Variants in UBA52 observed in about 807,000 individuals in gnomAD.
The protein encoded by UBA52 is ubiquitin-ribosomal protein eL40 fusion protein.
Under a neutral mutation model 15.3 loss-of-function variants are expected in UBA52, and 1 was observed. That is an observed-to-expected ratio of 0.07 (90% confidence interval 0.02 to 0.31). The LOEUF is 0.31. UBA52 is among the 10% of genes least tolerant of loss of function. UBA52 has a pLI of 1.00. For missense variants in UBA52, 87 were observed against 168.0 expected, an observed-to-expected ratio of 0.52 and a Z score of 2.66; for synonymous variants, 50 against 58.3, an observed-to-expected ratio of 0.86 and a Z score of 0.65.
upstream of UBA52, chr19:18,568,405 T>C (rs1351432004): frequency 3.1e-6 from 5 of 1,612,248 alleles, no homozygotes; most frequent in Admixed American, 1.7e-5. Flanking sequence ...CCCCCAGATA[T>C]CCCAGAGGCA....
In UBA52 at chr19:18,577,482, T is replaced by C. The variant is rs1975836178; in HGVS notation, c.*2332T>C. The C allele has an allele frequency of 6.6e-6, 1 of 152,130 alleles. No individual in the cohort carries two copies. Among genetic ancestry groups the C allele is most frequent in the Non-Finnish European group, 1.5e-5 (1 of 68,012 alleles). 9.4% of individuals were successfully genotyped at this position (152,130 alleles called of 1,614,324 possible). The stretch of plus-strand genomic sequence containing the variant: ...CTCACTCTCCTGGTCCGTGGACTCT[T>C]TTTGAACTGTTAACACTCCCCGCAA... On this transcript the variant is annotated 3_prime_UTR_variant, in exon 5 of 5. Transcript: ENST00000442744.
At position 18,576,224 on chromosome 19, in the gene UBA52, TG is replaced by T. The variant is rs1975777565; in HGVS notation, c.*1076del. On this transcript the variant is annotated 3_prime_UTR_variant, in exon 5 of 5. Transcript: ENST00000442744. ...GGTGTGGTCATGGCTCCCTGTACCC[TG>T]GAACTCAGGCTTGGGTGATCCTCTC... The T allele has an allele frequency of 6.6e-6, 1 of 152,308 alleles. No individual in the cohort carries two copies. The highest frequency in any genetic ancestry group is 1.5e-5 in the Non-Finnish European group (1 of 68,156). 9.4% of individuals were successfully genotyped at this position (152,308 alleles called of 1,614,324 possible). A position where few individuals can be genotyped will look rare whatever the true frequency, so the allele number is the denominator to read the frequency against.
chr19:18,575,377 C>T lies in UBA52; in HGVS notation c.*227C>T, dbSNP rs988782589. On this transcript the variant is annotated 3_prime_UTR_variant, in exon 5 of 5. Coordinates refer to ENST00000442744, the MANE Select transcript of UBA52 (RefSeq NM_001033930.3). Reference sequence around the variant, plus strand: ...AGATTCTGTCACATCGGCATTGGTCCCTGCCCTATGCCCCTGACTCTGGAT... The same window carrying T: ...AGATTCTGTCACATCGGCATTGGTCTCTGCCCTATGCCCCTGACTCTGGAT... The T allele has an allele frequency of 7.2e-6, 4 of 555,404 alleles. No homozygotes were observed. The African/African-American group carries it at 7.6e-5, about 11-fold the overall frequency. 34.4% of individuals were successfully genotyped at this position (555,404 alleles called of 1,614,324 possible).
chr19:18,572,767 G>A (rs1262707418), intron 1 of UBA52: 2 of 998,642 alleles, frequency 2.0e-6, no homozygotes, highest in Non-Finnish European at 2.4e-6. Flanking sequence ...TGAGAAGGAA[G>A]CTAAGAGTGT....
upstream of UBA52, chr19:18,568,956 A>T (rs1463955045): frequency 1.4e-5 from 5 of 346,402 alleles, no homozygotes; most frequent in Non-Finnish European, 2.7e-5. Flanking sequence ...GAATGCTTAG[A>T]AGGTTCCCAG....
At position 18,573,384 on chromosome 19, in the gene UBA52, C is replaced by T. The variant is rs149235073; in HGVS notation, c.84C>T (p.Ala28=). 72 of 1,613,958 alleles carry T rather than the reference C, an allele frequency of 4.5e-5. No individual in the cohort carries two copies. In the Admixed American group the frequency reaches 5.2e-4, roughly 12 times the overall value. Residue 28 remains alanine, a synonymous_variant, in exon 2 of 5, where the codon GCC becomes GCT. Coordinates refer to ENST00000442744, the MANE Select transcript of UBA52 (RefSeq NM_001033930.3). The stretch of plus-strand genomic sequence containing the variant: ...GTGACACCATTGAGAATGTCAAAGC[C>T]AAAATTCAAGACAAGGAGGGTGAGT... ...EPSDTIENVK[A]KIQDKEGIPP... is the part of the protein sequence containing the mutation.
At position 18,575,737 on chromosome 19, in the gene UBA52, TTTG is replaced by T. The variant is rs201195780; in HGVS notation, c.*590_*592del. The T allele has an allele frequency of 0.011, 1,601 of 151,458 alleles. 34 individuals carry two copies. Among genetic ancestry groups the T allele is most frequent in the African/African-American group, 0.036 (1,470 of 40,708 alleles). 9.4% of individuals were successfully genotyped at this position (151,458 alleles called of 1,614,324 possible). ...CCATGCCTGACCCAGTTCTCAGTTT[TTTG>T]TTTGTTTGTTTGTTTGTTTGTTTTG... On this transcript the variant is annotated 3_prime_UTR_variant, in exon 5 of 5. Transcript: ENST00000442744.
chr19:18,564,031 C>T, the UBA52 span, among the ~76,000 whole-genome samples: 7 of 151,984 alleles, frequency 4.6e-5, no homozygotes, highest in Non-Finnish European at 7.4e-5. Context: ...GGATTACAGG[C>T]GCCCGCCACC....
rs1404931281 is a variant in UBA52, at chr19:18,575,380, G to A, written c.*230G>A. 4 of 547,730 alleles carry A rather than the reference G, an allele frequency of 7.3e-6. No individual in the cohort carries two copies. Among genetic ancestry groups the A allele is most frequent in the Non-Finnish European group, 9.8e-6 (3 of 305,382 alleles). The allele number at this position is 547,730 out of a possible 1,614,324, so 33.9% of individuals were successfully genotyped here. A position where few individuals can be genotyped will look rare whatever the true frequency, so the allele number is the denominator to read the frequency against. ...TTCTGTCACATCGGCATTGGTCCCT[G>A]CCCTATGCCCCTGACTCTGGATTTG... is the stretch of plus-strand genomic sequence containing the variant. On this transcript the variant is annotated 3_prime_UTR_variant, in exon 5 of 5. Transcript: ENST00000442744.
upstream of UBA52, among the ~76,000 whole-genome samples, chr19:18,570,227 G>A (rs1302349274): frequency 1.3e-5 from 2 of 151,096 alleles, no homozygotes; most frequent in Non-Finnish European, 2.9e-5. Context: ...TTTTGAGACA[G>A]CACCTCTCTG....
Position 18,575,437 on chromosome 19 carries a change from C to T in UBA52, c.*287C>T, listed in dbSNP as rs1035912151. 4.6e-6 allele frequency: 2 copies of T among 435,692 alleles called. No homozygotes were observed. The highest frequency in any genetic ancestry group is 4.6e-5 in the East Asian group (1 of 21,534). 27.0% of individuals were successfully genotyped at this position (435,692 alleles called of 1,614,324 possible). Reference sequence around the variant, plus strand: ...GTAAAACTGGAGTAAAAACCTCAGTCGTGTAATTGGTGGGACTGAGGATCA... The same window carrying T: ...GTAAAACTGGAGTAAAAACCTCAGTTGTGTAATTGGTGGGACTGAGGATCA... On this transcript the variant is annotated 3_prime_UTR_variant, in exon 5 of 5. Coordinates refer to ENST00000442744, the MANE Select transcript of UBA52 (RefSeq NM_001033930.3).
In UBA52 at chr19:18,571,905, T is replaced by TGCGGGTTCGC. The variant is rs1975501850; in HGVS notation, c.-10_-9+8dup. The TGCGGGTTCGC allele has an allele frequency of 6.5e-6, 1 of 152,930 alleles. No homozygotes were observed. 9.5% of individuals were successfully genotyped at this position (152,930 alleles called of 1,614,324 possible). ...CCGAGCTGGTTGGTGGCGGCGGTCG[T>TGCGGGTTCGC]GCGGGTTCGCGCCGGGCCGAGAGCG... On this transcript the variant is annotated 5_prime_UTR_variant, in exon 1 of 5. Transcript: ENST00000442744.
At chr19:18,573,181 C>A (rs1432000888) in intron 1 of UBA52, 112 bp from the exon 2 acceptor site, 3 of 1,167,080 alleles carry the variant, frequency 2.6e-6, no homozygotes, top group Non-Finnish European at 3.7e-6. Context: ...GGGGCAGGAC[C>A]AGTTGGACTT....
At position 18,575,335 on chromosome 19, in the gene UBA52, G is replaced by T; in HGVS notation, c.*185G>T. On this transcript the variant is annotated 3_prime_UTR_variant, in exon 5 of 5. Coordinates refer to ENST00000442744, the MANE Select transcript of UBA52 (RefSeq NM_001033930.3). ...CTCAGCACTCCATTCTGTGCCACCT[G>T]TGGGGTCTTCTGTCCTAGATTCTGT... The T allele has an allele frequency of 1.5e-6, 1 of 646,206 alleles. No individual in the cohort carries two copies. Among genetic ancestry groups the T allele is most frequent in the Non-Finnish European group, 2.7e-6 (1 of 376,874 alleles). 40.0% of individuals were successfully genotyped at this position (646,206 alleles called of 1,614,324 possible). A position where few individuals can be genotyped will look rare whatever the true frequency, so the allele number is the denominator to read the frequency against.
the UBA52 span, among the ~76,000 whole-genome samples, chr19:18,563,918 G>A: frequency 1.3e-5 from 2 of 150,208 alleles, no homozygotes; most frequent in African/African-American, 2.5e-5. Flanking sequence ...ACATAGTTTC[G>A]CACTGTCACC....
At chr19:18,564,723 GAGT>G in the UBA52 span, 1 of 862,796 alleles carries the variant, frequency 1.2e-6, no homozygotes, top group East Asian at 2.4e-5. Flanking sequence ...GTGGCTCAAA[GAGT>G]AGGTAGAACT....
the UBA52 span, among the ~76,000 whole-genome samples, chr19:18,566,475 CAT>C: frequency 7.2e-6 from 1 of 139,234 alleles, no homozygotes; most frequent in Non-Finnish European, 1.6e-5. Flanking sequence ...AAAAAAGTAA[CAT>C]AGTGCTAGAC....
At chr19:18,565,144 G>A in the UBA52 span, 189 of 1,486,936 alleles carry the variant, frequency 1.3e-4, no homozygotes, top group Middle Eastern at 2.1e-4. Flanking sequence ...GCTTCACTGC[G>A]CACTTAAGTG....
Position 18,575,075 on chromosome 19 carries a change from C to A in UBA52, c.312C>A (p.His104Gln). The A allele has an allele frequency of 6.2e-7, 1 of 1,614,246 alleles. No individual in the cohort carries two copies. The highest frequency in any genetic ancestry group is 8.5e-7 in the Non-Finnish European group (1 of 1,180,048). Residue 104 changes from histidine (H) to glutamine (Q), a missense_variant, in exon 5 of 5, where the codon CAC (histidine) becomes CAA (glutamine). Physicochemically the swap from His to Gln is conservative, Grantham distance 24 (BLOSUM62 0). Coordinates refer to ENST00000442744, the MANE Select transcript of UBA52 (RefSeq NM_001033930.3). ...TGTGCAGGTGCTATGCTCGCCTTCA[C>A]CCTCGTGCTGTCAACTGCCGCAAGA... ...MICRKCYARL[H>Q]PRAVNCRKKK...
Sources: gnomAD v4.1 joint callset for allele counts (sites outside exome capture counted in the v4.1 genomes callset) on GRCh38, gnomAD v4.1.1 for gene constraint, MANE v1.5 for transcripts, NCBI Gene and HGNC (gene_info 2026-07-23, HGNC 2026-07-21) for gene names.